The following DUOX2 variants were observed in gnomAD, a reference collection of about 807,000 sequenced individuals.
The protein encoded by DUOX2 is NADH/NADPH thyroid oxidase p138-tox.
Under a neutral mutation model 183.3 loss-of-function variants are expected in DUOX2, and 185 were observed. The ratio of observed to expected loss-of-function variants is 1.01; its 90% CI spans 0.90 to 1.14. DUOX2 has a LOEUF of 1.14. Among genes scored for constraint, DUOX2 ranks in the 50% most tolerant of loss-of-function variants. DUOX2 has a pLI of 0.00. For synonymous variants in DUOX2, 788 were observed against 812.4 expected, an observed-to-expected ratio of 0.97 and a Z score of 0.51; for missense variants, 1,999 against 2,022.9, an observed-to-expected ratio of 0.99 and a Z score of 0.23.
chr15:45,094,742 G>T (rs376718345), intron 32 of DUOX2, 51 bp from the exon 33 acceptor site: 12 of 1,608,954 alleles, frequency 7.5e-6, no homozygotes, highest in Non-Finnish European at 9.3e-6. Context: ...CCAGCACTCA[G>T]CCCGAGCCAG....
chr15:45,108,396 T>C, intron 12 of DUOX2, 174 bp from the exon 13 acceptor site: 1 of 757,378 alleles, frequency 1.3e-6, no homozygotes, highest in Non-Finnish European at 2.2e-6. Context: ...AGGATCAGTG[T>C]GTCCCTACCC....
intron 22 of DUOX2, 39 bp from the exon 23 acceptor site, chr15:45,100,877 G>T: frequency 2.1e-6 from 3 of 1,460,836 alleles, no homozygotes; most frequent in Non-Finnish European, 2.9e-6. Flanking sequence ...CCTTGTCTTT[G>T]CAGCCAGGAG....
rs1476912305 is a variant in DUOX2 at position 45,099,750 on chromosome 15, C to A, written c.3327G>T (p.Leu1109=). ...LTMCRNLITF[L]RETFLNRYVP... ...CATAGCGGTTGAGGAAAGTCTCTCGCAGGAAGGTTATGAGGTTGCGGCACA... is the reference window on the plus strand; with the variant it reads ...CATAGCGGTTGAGGAAAGTCTCTCGAAGGAAGGTTATGAGGTTGCGGCACA... The change falls in exon 25 of 34, where the codon CTG becomes CTT. Residue 1109 remains leucine, a synonymous_variant. Transcript: ENST00000389039. 6.2e-7 allele frequency: 1 copy of A among 1,614,038 alleles called. No homozygotes were observed. Among genetic ancestry groups the A allele is most frequent in the Non-Finnish European group, 8.5e-7 (1 of 1,180,052 alleles).
At chr15:45,098,706 CT>C (rs71893815) in intron 26 of DUOX2, among the ~76,000 whole-genome samples, 5,242 of 144,960 alleles carry the variant, frequency 0.036, 315 homozygotes, top group African/African-American at 0.12. Flanking sequence ...TATTTCTTTC[CT>C]TTTTTTTTTT....
At chr15:45,099,505 G>A (rs954731065) in intron 25 of DUOX2, 23 bp from the exon 26 acceptor site, 1 of 1,610,906 alleles carries the variant, frequency 6.2e-7, no homozygotes. Flanking sequence ...GACCCTGTTA[G>A]AGATGCCAAC....
chr15:45,102,113 A>T, intron 20 of DUOX2, 124 bp from the exon 21 acceptor site: 2 of 1,259,214 alleles, frequency 1.6e-6, no homozygotes, highest in Non-Finnish European at 2.2e-6. Context: ...TGGCACTGAG[A>T]AGGTGCTCAT....
rs756138061 is a variant in DUOX2, at chr15:45,100,757, T to G, written c.3003A>C (p.Lys1001Asn). The change falls in exon 23 of 34, where the codon AAA becomes AAC. Residue 1001 changes from lysine (K) to asparagine (N), a missense_variant and splice_region_variant. Lys to Asn is a moderately conservative substitution (Grantham distance 94). Coordinates refer to ENST00000389039, the MANE Select transcript of DUOX2 (RefSeq NM_001363711.2). Reference protein sequence around the residue: ...GGPGLKKRFGKKAAVPTPRLY... With the variant: ...GGPGLKKRFGNKAAVPTPRLY... ...CCAGGGATTTGGGAGACACTCACTT[T>G]TTGCCAAACCTCTTCTTCAGTCCAG... 1.2e-6 allele frequency: 2 copies of G among 1,614,110 alleles called. No homozygotes were observed. Among genetic ancestry groups the G allele is most frequent in the Non-Finnish European group, 1.7e-6 (2 of 1,179,964 alleles).
chr15:45,112,599 C>G lies in DUOX2; in HGVS notation c.280G>C (p.Gly94Arg). 2.5e-6 allele frequency: 4 copies of G among 1,612,958 alleles called. No individual in the cohort carries two copies. Among genetic ancestry groups the G allele is most frequent in the Non-Finnish European group, 3.4e-6 (4 of 1,179,728 alleles). The part of the protein sequence containing the change: ...LSNAATRGIA[G>R]LPSLHNRTVL... ...GTGCGGTTGTGGAGCGACGGCAGGCCGGCTATGCCCCGCGTGGCTGCGTTG... is the reference window on the plus strand; with the variant it reads ...GTGCGGTTGTGGAGCGACGGCAGGCGGGCTATGCCCCGCGTGGCTGCGTTG... Residue 94 changes from glycine (G) to arginine (R), a missense_variant, in exon 4 of 34, where the codon GGC (glycine) becomes CGC (arginine). Around this residue, in one of 3 missense-constraint regions of DUOX2, gnomAD observed 356 missense variants for 356.4 expected, o/e 1.00. Transcript: ENST00000389039.
At chr15:45,104,508 G>A in intron 18 of DUOX2, 143 bp from the exon 19 acceptor site, 1 of 1,148,584 alleles carries the variant, frequency 8.7e-7, no homozygotes, top group Non-Finnish European at 1.2e-6. Flanking sequence ...TAGATATACT[G>A]ACTGGGGCCT....
rs559663716 is a variant in DUOX2, at chr15:45,099,695, G to C, written c.3382C>G (p.Arg1128Gly). 6 of 1,614,184 alleles carry C rather than the reference G, an allele frequency of 3.7e-6. No homozygotes were observed. In the South Asian group the frequency reaches 6.6e-5, roughly 18 times the overall value. The change falls in exon 25 of 34, where the codon CGC becomes GGC. Residue 1128 changes from arginine to glycine, a missense_variant. Around this residue, in one of 3 missense-constraint regions of DUOX2, gnomAD observed 1,628 missense variants for 1,608.6 expected, o/e 1.01. Transcript: ENST00000389039. Reference protein sequence around the residue: ...VPFDAAVDFHRWIAMAAVVLA... With the variant: ...VPFDAAVDFHGWIAMAAVVLA... ...ACAACAGCAGCCATGGCGATCCAGC[G>C]GTGGAAGTCCACTGCGGCATCAAAA...
rs780504474 is a variant in DUOX2, at chr15:45,108,052, C to A, written c.1569G>T (p.Arg523Ser). 5.1e-5 allele frequency: 82 copies of A among 1,613,810 alleles called. No individual in the cohort carries two copies. Among genetic ancestry groups the A allele is most frequent in the Non-Finnish European group, 6.7e-5 (79 of 1,179,974 alleles). ...DGDRYWFENT[R>S]NGLFSKKEIE... is the part of the protein sequence containing the mutation. ...GGGGCCCAGGCAAGCCTTACCCATT[C>A]CTGGTGTTCTCAAACCAGTAGCGGT... Residue 523 changes from arginine (R) to serine (S), a missense_variant, in exon 13 of 34, where the codon AGG becomes AGT. Arg to Ser is a moderately radical substitution (Grantham distance 110). This residue lies in a region of DUOX2 where 1,628 missense variants were observed against 1,608.6 expected (regional missense o/e 1.01). Coordinates refer to ENST00000389039, the MANE Select transcript of DUOX2 (RefSeq NM_001363711.2).
At chr15:45,101,671 T>G (rs966094882) in intron 21 of DUOX2, 122 bp downstream of exon 21, 1 of 1,302,144 alleles carries the variant, frequency 7.7e-7, no homozygotes, top group Non-Finnish European at 1.1e-6. Flanking sequence ...TTACATGTGC[T>G]TGGTTCTATA....
rs149306918 is a variant in DUOX2, at chr15:45,094,230, T to C, written c.4567A>G (p.Thr1523Ala). ...TGACAGGCCTTCTCTACATTCTTGG[T>C]CATTCCTGGAGGGCCGCAGCTGAAC... ...GVFSCGPPGMTKNVEKACQLV... is the reference protein window; with the variant it reads ...GVFSCGPPGMAKNVEKACQLV... The change falls in exon 34 of 34, where the codon ACC becomes GCC. Residue 1523 changes from threonine (T) to alanine (A), a missense_variant. Thr to Ala is a moderately conservative substitution (Grantham distance 58). This residue lies in a region of DUOX2 where 1,628 missense variants were observed against 1,608.6 expected (regional missense o/e 1.01). Transcript: ENST00000389039. 3 of 1,613,994 alleles carry C rather than the reference T, an allele frequency of 1.9e-6. No individual in the cohort carries two copies. In the East Asian group the frequency reaches 6.7e-5, roughly 36 times the overall value.
Position 45,099,661 on chromosome 15 carries a change from CT to C in DUOX2, c.3415del (p.Ile1139PhefsTer31), listed in dbSNP as rs1284022399. On this transcript the variant is annotated frameshift_variant and splice_region_variant, in exon 25 of 34. Coordinates refer to ENST00000389039, the MANE Select transcript of DUOX2 (RefSeq NM_001363711.2). LOFTEE classifies it high-confidence loss of function. Reference sequence around the variant, plus strand: ...GAGGAAGAAGCCTGGGAGTCACGTACTGGCCAGGACAACAGCAGCCATGGCG... The same window carrying C: ...GAGGAAGAAGCCTGGGAGTCACGTACGGCCAGGACAACAGCAGCCATGGCG... ...WIAMAAVVLAILHSAGHAVNV... is the reference protein window; with the variant it reads ...WIAMAAVVLAXLHSAGHAVNV... 1.2e-6 allele frequency: 2 copies of C among 1,614,154 alleles called. No homozygotes were observed. Among genetic ancestry groups the C allele is most frequent in the African/African-American group, 1.3e-5 (1 of 75,032 alleles).
At chr15:45,098,764 A>G (rs1180213573) in intron 26 of DUOX2, among the ~76,000 whole-genome samples, 1 of 150,572 alleles carries the variant, frequency 6.6e-6, no homozygotes, top group Non-Finnish European at 1.5e-5. Context: ...ATGCAGTGGT[A>G]CTGATCATGG....
At position 45,094,461 on chromosome 15, in the gene DUOX2, G is replaced by T; in HGVS notation, c.4524+102C>A. On this transcript the variant is annotated intron_variant, in intron 33 of 33. Coordinates refer to ENST00000389039, the MANE Select transcript of DUOX2 (RefSeq NM_001363711.2). Reference sequence around the variant, plus strand: ...ACCTCATCCTGGGGCCAGGCAATCGGGTGGAGTTCTCTGCTCAGAACAGAG... The same window carrying T: ...ACCTCATCCTGGGGCCAGGCAATCGTGTGGAGTTCTCTGCTCAGAACAGAG... The T allele has an allele frequency of 2.0e-6, 3 of 1,537,054 alleles. No individual in the cohort carries two copies. In the South Asian group the frequency reaches 3.5e-5, roughly 18 times the overall value.
intron 16 of DUOX2, 22 bp from the exon 17 acceptor site, chr15:45,106,349 C>T (rs374647525): frequency 1.9e-4 from 304 of 1,613,128 alleles, no homozygotes; most frequent in Admixed American, 5.0e-4. Flanking sequence ...ATAATTGGGC[C>T]GGGTAGTTCA....
At position 45,103,980 on chromosome 15, in the gene DUOX2, G is replaced by C. The variant is rs370762371; in HGVS notation, c.2634C>G (p.Asp878Glu). ...DLDENGFLSK[D>E]EFFTMMRSFI... is the part of the protein sequence containing the mutation. ...CATACCGCATCATGGTGAAGAATTC[G>C]TCCTTGGAGAGGAAGCCATTCTCAT... Residue 878 changes from aspartate to glutamate, a missense_variant, in exon 20 of 34, where the codon GAC becomes GAG. Physicochemically the swap from Asp to Glu is conservative, Grantham distance 45. Around this residue, in one of 3 missense-constraint regions of DUOX2, gnomAD observed 1,628 missense variants for 1,608.6 expected, o/e 1.01. Transcript: ENST00000389039. 2 of 1,614,028 alleles carry C rather than the reference G, an allele frequency of 1.2e-6. No individual in the cohort carries two copies. Among genetic ancestry groups the C allele is most frequent in the African/African-American group, 1.3e-5 (1 of 74,918 alleles).
rs1487536445 is a variant in DUOX2 at position 45,111,866 on chromosome 15, C to G, written c.415G>C (p.Val139Leu). The G allele has an allele frequency of 1.2e-6, 2 of 1,613,782 alleles. No individual in the cohort carries two copies. Among genetic ancestry groups the G allele is most frequent in the Non-Finnish European group, 1.7e-6 (2 of 1,179,998 alleles). ...TCCCCGCGCTGGTCGGGGTCGAACA[C>G]GGGGTCTCCAGGTGGGATGCGGATG... The part of the protein sequence containing the change: ...LNIRIPPGDP[V>L]FDPDQRGDVV... Residue 139 changes from valine (V) to leucine (L), a missense_variant, in exon 5 of 34, where the codon GTG (valine) becomes CTG (leucine). By Grantham distance (32) the Val-to-Leu change is conservative. Transcript: ENST00000389039.
Sources: gnomAD v4.1 joint callset for allele counts (sites outside exome capture counted in the v4.1 genomes callset) on GRCh38, gnomAD v4.1.1 for gene constraint, gnomAD v4.1.1 regional missense constraint, MANE v1.5 for transcripts, NCBI Gene and HGNC (gene_info 2026-07-23, HGNC 2026-07-21) for gene names.